GABBR2: variants seen among roughly 807,000 people sequenced by gnomAD.
GABBR2 encodes the protein G-protein coupled receptor 51.
In GABBR2, 23 loss-of-function variants were observed where a neutral mutation model predicts 105.6. That is an observed-to-expected ratio of 0.22 (90% CI 0.16 to 0.31). The LOEUF (loss-of-function observed/expected upper bound fraction) is 0.31, where lower values mean the gene tolerates loss of function less well. GABBR2 is among the 10% of genes least tolerant of loss of function. The pLI is 1.00. For synonymous variants in GABBR2, 478 were observed against 499.7 expected (o/e 0.96, Z 0.58); for missense variants, 734 against 1,245.5 (o/e 0.59, Z 6.18).
At chr9:98,593,288 A>C (rs1444552444) in intron 1 of GABBR2, among the ~76,000 whole-genome samples, 1 of 152,176 alleles carries the variant, frequency 6.6e-6, no homozygotes, top group Non-Finnish European at 1.5e-5. Context: ...GGGGCTTCTC[A>C]AGAGTGCTTC....
At chr9:98,560,529 C>A (rs1828658384) in intron 2 of GABBR2, among the ~76,000 whole-genome samples, 1 of 151,782 alleles carries the variant, frequency 6.6e-6, no homozygotes, top group African/African-American at 2.4e-5. Flanking sequence ...CATACACACA[C>A]ACAGGCGCAT....
chr9:98,670,703 T>C (rs72762603), intron 1 of GABBR2, among the ~76,000 whole-genome samples: 17,456 of 152,168 alleles, frequency 0.11, 1,114 homozygotes, highest in African/African-American at 0.17. Flanking sequence ...CTGGAGGACG[T>C]TGTATTAAAT....
intron 6 of GABBR2, among the ~76,000 whole-genome samples, chr9:98,458,978 T>G (rs1298268724): frequency 1.3e-5 from 2 of 152,222 alleles, no homozygotes; most frequent in East Asian, 3.9e-4. Flanking sequence ...GGCAGAACTT[T>G]CCACTTAGGG....
chr9:98,431,750 C>T (rs528383869), intron 7 of GABBR2, among the ~76,000 whole-genome samples: 1 of 152,134 alleles, frequency 6.6e-6, no homozygotes, highest in South Asian at 2.1e-4. Flanking sequence ...GGCTGAAATG[C>T]AGTGGTGCAA....
chr9:98,378,378 G>A (rs767548660), intron 11 of GABBR2, among the ~76,000 whole-genome samples: 6 of 152,152 alleles, frequency 3.9e-5, no homozygotes, highest in Admixed American at 1.3e-4. Flanking sequence ...TGATGGAACC[G>A]CCCTGCTTCC....
chr9:98,566,783 G>A (rs1351455081), intron 2 of GABBR2, among the ~76,000 whole-genome samples: 9 of 114,802 alleles, frequency 7.8e-5, no homozygotes, highest in African/African-American at 2.8e-4. Flanking sequence ...GGAGGTCAAG[G>A]CTGCAAGACA....
intron 1 of GABBR2, among the ~76,000 whole-genome samples, chr9:98,684,119 T>C (rs1830588235): frequency 8.9e-6 from 1 of 112,854 alleles, no homozygotes; most frequent in African/African-American, 3.4e-5. Context: ...GCCAGAAAGC[T>C]CTTCAAGATA....
At chr9:98,347,042 G>A (rs1831314726) in intron 13 of GABBR2, among the ~76,000 whole-genome samples, 2 of 152,034 alleles carry the variant, frequency 1.3e-5, no homozygotes, top group South Asian at 2.1e-4. Context: ...ATAAATATAG[G>A]GGTGCAAGTA....
chr9:98,497,151 CA>C (rs1827296906), intron 3 of GABBR2, among the ~76,000 whole-genome samples: 3 of 152,194 alleles, frequency 2.0e-5, no homozygotes, highest in Non-Finnish European at 4.4e-5. Flanking sequence ...CCTGTAATCC[CA>C]GAGCTTTGGG....
chr9:98,571,989 C>A (rs1828839790), intron 2 of GABBR2, among the ~76,000 whole-genome samples: 1 of 152,226 alleles, frequency 6.6e-6, no homozygotes. Flanking sequence ...AGGCTGAACA[C>A]CCTCAGCTCT....
chr9:98,430,101 A>G (rs1280286832), intron 7 of GABBR2, among the ~76,000 whole-genome samples: 2 of 152,112 alleles, frequency 1.3e-5, no homozygotes, highest in South Asian at 2.1e-4. Context: ...CCTGGCCAAC[A>G]TGGTGAAACC....
At chr9:98,308,474 A>G (rs1751106538) in intron 14 of GABBR2, among the ~76,000 whole-genome samples, 1 of 152,218 alleles carries the variant, frequency 6.6e-6, no homozygotes, top group Admixed American at 6.5e-5. Flanking sequence ...TAATTCCTGG[A>G]AACCGTGAAT....
chr9:98,569,702 C>T (rs1298186241), intron 2 of GABBR2, among the ~76,000 whole-genome samples: 1 of 152,178 alleles, frequency 6.6e-6, no homozygotes, highest in Non-Finnish European at 1.5e-5. Flanking sequence ...TTTGGCAAGG[C>T]CCCTACCCCA....
intron 1 of GABBR2, among the ~76,000 whole-genome samples, chr9:98,598,587 A>G (rs1312374138): frequency 6.6e-6 from 1 of 151,220 alleles, no homozygotes; most frequent in Non-Finnish European, 1.5e-5. Flanking sequence ...GAAGAAGAAA[A>G]AAAAAATCCC....
intron 2 of GABBR2, among the ~76,000 whole-genome samples, chr9:98,575,841 G>A (rs1828899355): frequency 6.6e-6 from 1 of 152,146 alleles, no homozygotes; most frequent in Admixed American, 6.5e-5. Context: ...AGTGTGGCCT[G>A]CTCCGGCCAC....
chr9:98,504,816 T>A (rs890464297), intron 3 of GABBR2, among the ~76,000 whole-genome samples: 5 of 152,240 alleles, frequency 3.3e-5, no homozygotes, highest in African/African-American at 1.2e-4. Flanking sequence ...CCGCTGTAGC[T>A]AAGATGCTAA....
rs1430920161 is a variant in GABBR2, at chr9:98,549,213, T to G, written c.460-7170A>C. ...CACCTGCTTTGGCCTCCCAAAGTGC[T>G]GGGATTACAGGCGTGAGCCACTGTG... On this transcript the variant is annotated intron_variant, in intron 2 of 18. Transcript: ENST00000259455. Among the ~76,000 whole-genome samples, 3 of 122,612 alleles carry G rather than the reference T, an allele frequency of 2.4e-5. 1 individual carries two copies. Among genetic ancestry groups the G allele is most frequent in the African/African-American group, 7.8e-5 (3 of 38,230 alleles). 80.4% of individuals were successfully genotyped at this position (122,612 alleles called of 152,430 possible).
intron 13 of GABBR2, among the ~76,000 whole-genome samples, chr9:98,314,709 A>G (rs1254890254): frequency 6.6e-6 from 1 of 152,070 alleles, no homozygotes; most frequent in Non-Finnish European, 1.5e-5. Context: ...CCCCAGAATA[A>G]TTCCAAGCTC....
rs964310585 is a variant in GABBR2 at position 98,531,660 on chromosome 9, T to C, written c.630+10213A>G. On this transcript the variant is annotated intron_variant, in intron 3 of 18. Coordinates refer to ENST00000259455, the MANE Select transcript of GABBR2 (RefSeq NM_005458.8). ...GTAGGACAGAGCACTGCTAGTGGGC[T>C]GCACTTCCCACAGGGAACATTCACA... Among the ~76,000 whole-genome samples the C allele has an allele frequency of 3.9e-5, 6 of 152,266 alleles. 1 individual carries two copies. The highest frequency in any genetic ancestry group is 5.9e-5 in the Non-Finnish European group (4 of 68,038).
Sources: allele counts gnomAD v4.1 joint callset (sites outside exome capture counted in the v4.1 genomes callset), GRCh38; gene constraint gnomAD v4.1.1; transcripts MANE v1.5; gene names NCBI Gene and HGNC (gene_info 2026-07-23, HGNC 2026-07-21).